The following LOC128092252 variants were observed in gnomAD, a reference collection of about 807,000 sequenced individuals.
At chr15:50,662,818 C>T in the LOC128092252 span, 4 of 676,060 alleles carry the variant, frequency 5.9e-6, no homozygotes, top group African/African-American at 1.8e-5. Flanking sequence ...CTCCCAATCC[C>T]TCCCAAATTA....
the LOC128092252 span, among the ~76,000 whole-genome samples, chr15:50,654,768 C>T: frequency 4.1e-5 from 6 of 147,972 alleles, no homozygotes; most frequent in South Asian, 2.1e-4. Flanking sequence ...GGATTACAGG[C>T]GGGCAGATCA....
chr15:50,685,189 G>A, the LOC128092252 span, among the ~76,000 whole-genome samples: 1 of 152,200 alleles, frequency 6.6e-6, no homozygotes, highest in Admixed American at 6.5e-5. Flanking sequence ...TTGGCCTGGC[G>A]CGGTGGCTCA....
chr15:50,667,132 C>T, the LOC128092252 span, among the ~76,000 whole-genome samples: 1 of 152,070 alleles, frequency 6.6e-6, no homozygotes, highest in Non-Finnish European at 1.5e-5. Context: ...TTGGCCGACT[C>T]TGGGGGTGTC....
chr15:50,658,571 C>CA, the LOC128092252 span, among the ~76,000 whole-genome samples: 10,586 of 101,598 alleles, frequency 0.1, 572 homozygotes, highest in African/African-American at 0.2. Flanking sequence ...GAAACTGTCT[C>CA]AAAAAAAAAA....
the LOC128092252 span, among the ~76,000 whole-genome samples, chr15:50,671,011 G>A: frequency 2.0e-5 from 3 of 152,040 alleles, no homozygotes; most frequent in Non-Finnish European, 4.4e-5. Context: ...TTGCGGAATG[G>A]CTAAATCGAG....
At chr15:50,676,255 T>TAG in the LOC128092252 span, among the ~76,000 whole-genome samples, 1 of 152,154 alleles carries the variant, frequency 6.6e-6, no homozygotes, top group African/African-American at 2.4e-5. Context: ...GGGAAAAAAT[T>TAG]AAAGATTCCT....
At chr15:50,657,804 A>G in the LOC128092252 span, 1 of 1,612,060 alleles carries the variant, frequency 6.2e-7, no homozygotes, top group Admixed American at 1.7e-5. Context: ...GACAAATTTG[A>G]CATCCTGGAA....
chr15:50,661,297 A>G, the LOC128092252 span, among the ~76,000 whole-genome samples: 1 of 152,172 alleles, frequency 6.6e-6, no homozygotes, highest in African/African-American at 2.4e-5. Flanking sequence ...TTCTTATAAA[A>G]TATCTGTAGT....
At chr15:50,685,978 T>C in the LOC128092252 span, among the ~76,000 whole-genome samples, 2 of 152,202 alleles carry the variant, frequency 1.3e-5, no homozygotes, top group Non-Finnish European at 2.9e-5. Flanking sequence ...TCCCTCCCTT[T>C]TGGTTCCAAA....
the LOC128092252 span, among the ~76,000 whole-genome samples, chr15:50,678,564 AATTTT>A: frequency 6.7e-6 from 1 of 149,666 alleles, no homozygotes; most frequent in East Asian, 1.9e-4. Context: ...ACATATACAT[AATTTT>A]ATTATGTCAC....
chr15:50,682,299 C>T, the LOC128092252 span, among the ~76,000 whole-genome samples: 81,244 of 151,128 alleles, frequency 0.54, 22,029 homozygotes, highest in Admixed American at 0.61. Context: ...TTCTAAAACC[C>T]CTACGTGGAC....
the LOC128092252 span, among the ~76,000 whole-genome samples, chr15:50,680,192 C>G: frequency 6.6e-6 from 1 of 151,800 alleles, no homozygotes; most frequent in Non-Finnish European, 1.5e-5. Context: ...TGAGATTGTG[C>G]CACTGCACTC....
the LOC128092252 span, among the ~76,000 whole-genome samples, chr15:50,680,016 T>A: frequency 2.0e-5 from 3 of 151,946 alleles, no homozygotes. Flanking sequence ...GGTGGATCAC[T>A]TGAGGTCAGG....
the LOC128092252 span, among the ~76,000 whole-genome samples, chr15:50,671,680 C>A: frequency 1.3e-5 from 2 of 152,050 alleles, no homozygotes; most frequent in East Asian, 3.9e-4. Flanking sequence ...CATGTTGGTG[C>A]CTGCCTATAG....
the LOC128092252 span, among the ~76,000 whole-genome samples, chr15:50,684,893 C>A: frequency 5.9e-5 from 9 of 152,188 alleles, no homozygotes; most frequent in African/African-American, 2.2e-4. Context: ...CTGACTAAAA[C>A]ATGAGACAAT....
At chr15:50,652,328 C>CAAAAAAAAAAAAAAA in the LOC128092252 span, among the ~76,000 whole-genome samples, 7 of 34,230 alleles carry the variant, frequency 2.0e-4, no homozygotes, top group Non-Finnish European at 1.9e-4. Context: ...GACTCCATCT[C>CAAAAAAAAAAAAAAA]AAAAAAAAAA....
the LOC128092252 span, among the ~76,000 whole-genome samples, chr15:50,681,178 G>A: frequency 6.6e-6 from 1 of 152,026 alleles, no homozygotes; most frequent in African/African-American, 2.4e-5. Context: ...TTGAACCCGG[G>A]AGGCAGAGGT....
At chr15:50,682,876 G>T in the LOC128092252 span, among the ~76,000 whole-genome samples, 1 of 150,926 alleles carries the variant, frequency 6.6e-6, no homozygotes, top group Non-Finnish European at 1.5e-5. Context: ...CTCAACCACT[G>T]AATTTTGCTT....
the LOC128092252 span, among the ~76,000 whole-genome samples, chr15:50,678,015 G>A: frequency 2.6e-5 from 4 of 151,638 alleles, no homozygotes; most frequent in Non-Finnish European, 4.4e-5. Flanking sequence ...CGAGGCGGGC[G>A]GATCACGAGG....
Sources: gnomAD v4.1 joint callset for allele counts (sites outside exome capture counted in the v4.1 genomes callset) on GRCh38, gnomAD v4.1.1 for gene constraint, MANE v1.5 for transcripts.